Variants in PCYOX1 observed in about 807,000 individuals in gnomAD.
The protein encoded by PCYOX1 is prenylcysteine lyase.
In PCYOX1, 46 loss-of-function variants were observed where a neutral mutation model predicts 46.4. The observed-to-expected ratio is 0.99, with a 90% CI of 0.78 to 1.27. The LOEUF (loss-of-function observed/expected upper bound fraction) is 1.27, where lower values mean the gene tolerates loss of function less well. Ranked by LOEUF, PCYOX1 falls within the 50% of genes most tolerant of loss-of-function variation. The probability of loss-of-function intolerance (pLI) is 0.00; values close to 1 mark genes in which losing one functional copy is unlikely to be tolerated. For missense variants in PCYOX1, 658 were observed against 628.3 expected, an observed-to-expected ratio of 1.05 and a Z score of -0.51; for synonymous variants, 220 against 231.8, an observed-to-expected ratio of 0.95 and a Z score of 0.46.
Position 70,277,313 on chromosome 2 carries a change from TTGCC to T in PCYOX1, c.1441_1444del (p.Ala481IlefsTer10). On this transcript the variant is annotated frameshift_variant, in exon 6 of 6. Transcript: ENST00000433351. LOFTEE classifies it high-confidence loss of function. ...ATTGCAGCCCACAACGCTGCACTCC[TTGCC>T]TATCACCGCTGGAACGGGCACACAG... is the stretch of plus-strand genomic sequence containing the variant. 6.2e-7 allele frequency: 1 copy of T among 1,614,080 alleles called. No homozygotes were observed. The highest frequency in any genetic ancestry group is 8.5e-7 in the Non-Finnish European group (1 of 1,179,936).
At chr2:70,259,594 C>A (rs755213800) in intron 2 of PCYOX1, 28 bp downstream of exon 2, 2 of 1,493,882 alleles carry the variant, frequency 1.3e-6, no homozygotes, top group Middle Eastern at 1.9e-4. Context: ...TGGAGCTCAC[C>A]AGATTACTGT....
At chr2:70,273,678 A>C (rs1277318071) in intron 3 of PCYOX1, among the ~76,000 whole-genome samples, 1 of 152,198 alleles carries the variant, frequency 6.6e-6, no homozygotes. Flanking sequence ...TCCCAAACTT[A>C]AGCCTGTTTT....
At chr2:70,260,839 C>T (rs995236291) in intron 2 of PCYOX1, among the ~76,000 whole-genome samples, 3 of 152,038 alleles carry the variant, frequency 2.0e-5, no homozygotes, top group African/African-American at 4.8e-5. Context: ...TCCACGAGGG[C>T]GAAGGTATAC....
chr2:70,259,676 T>C lies in PCYOX1; in HGVS notation c.319+110T>C, dbSNP rs1696408481. ...CCTTGTTAATTGCCTTACAGAGACG[T>C]TGGTAAAACTGTTTTCCTCACTTTC... On this transcript the variant is annotated intron_variant, in intron 2 of 5. Coordinates refer to ENST00000433351, the MANE Select transcript of PCYOX1 (RefSeq NM_016297.4). 6.2e-6 allele frequency: 5 copies of C among 811,874 alleles called. No homozygotes were observed. In the South Asian group the frequency reaches 8.0e-5, roughly 13 times the overall value. The allele number at this position is 811,874 out of a possible 1,614,324, so 50.3% of individuals were successfully genotyped here.
intron 3 of PCYOX1, among the ~76,000 whole-genome samples, chr2:70,262,918 C>T (rs1696461797): frequency 1.3e-5 from 2 of 148,222 alleles, no homozygotes; most frequent in South Asian, 4.2e-4. Flanking sequence ...GTCATATGAC[C>T]AGGTATTGAA....
intron 3 of PCYOX1, among the ~76,000 whole-genome samples, chr2:70,273,406 C>T (rs1696628776): frequency 2.6e-5 from 4 of 152,146 alleles, no homozygotes; most frequent in Admixed American, 2.6e-4. Context: ...ATGTGTTTAA[C>T]ATTTTGTACA....
chr2:70,265,761 C>G (rs977135519), intron 3 of PCYOX1, among the ~76,000 whole-genome samples: 2 of 152,152 alleles, frequency 1.3e-5, no homozygotes, highest in East Asian at 1.9e-4. Context: ...TCTTCTCTCT[C>G]AAGTTAGTGC....
chr2:70,274,020 A>T (rs1032436629), intron 3 of PCYOX1, among the ~76,000 whole-genome samples: 3 of 152,086 alleles, frequency 2.0e-5, no homozygotes, highest in Non-Finnish European at 4.4e-5. Flanking sequence ...GTTGGAGGGA[A>T]GAGCTTGTGC....
Position 70,258,231 on chromosome 2 carries a change from G to A in PCYOX1, c.67G>A (p.Gly23Arg). 6.3e-7 allele frequency: 1 copy of A among 1,596,502 alleles called. No homozygotes were observed. The highest frequency in any genetic ancestry group is 8.5e-7 in the Non-Finnish European group (1 of 1,176,090). ...LGLWLLLCSC[G>R]CPEGAELRAP... is the part of the protein sequence containing the mutation. ...GTTGTGGCTGTTGCTGTGCAGCTGC[G>A]GATGCCCCGAGGGCGCCGAGCTGCG... Residue 23 changes from glycine (G) to arginine (R), a missense_variant, in exon 1 of 6, where the codon GGA becomes AGA. Gly to Arg is a moderately radical substitution (Grantham distance 125). Transcript: ENST00000433351.
Position 70,280,116 on chromosome 2 carries a change from A to ACAT in PCYOX1, c.*2727_*2729dup, listed in dbSNP as rs1291880996. 1 of 152,204 alleles carries ACAT rather than the reference A, an allele frequency of 6.6e-6. No individual in the cohort carries two copies. The highest frequency in any genetic ancestry group is 1.5e-5 in the Non-Finnish European group (1 of 68,038). The allele number at this position is 152,204 out of a possible 1,614,324, so 9.4% of individuals were successfully genotyped here. On this transcript the variant is annotated 3_prime_UTR_variant, in exon 6 of 6. Coordinates refer to ENST00000433351, the MANE Select transcript of PCYOX1 (RefSeq NM_016297.4). ...AAAAATTAAAAATGTTGCTGGTATTACATCAAACCTACTCTGGATAAATTT... is the reference window on the plus strand; with the variant it reads ...AAAAATTAAAAATGTTGCTGGTATTACATCATCAAACCTACTCTGGATAAATTT...
At chr2:70,266,939 T>C (rs147172669) in intron 3 of PCYOX1, among the ~76,000 whole-genome samples, 12,457 of 152,182 alleles carry the variant, frequency 0.082, 550 homozygotes, top group East Asian at 0.18. Flanking sequence ...TCGACAAAAC[T>C]GCCATCGTCA....
In PCYOX1 at chr2:70,278,493, T is replaced by C. The variant is rs1559038872; in HGVS notation, c.*1101T>C. 6.6e-6 allele frequency: 1 copy of C among 152,514 alleles called. No individual in the cohort carries two copies. The highest frequency in any genetic ancestry group is 2.1e-4 in the South Asian group (1 of 4,834). 9.4% of individuals were successfully genotyped at this position (152,514 alleles called of 1,614,324 possible). A position where few individuals can be genotyped will look rare whatever the true frequency, so the allele number is the denominator to read the frequency against. On this transcript the variant is annotated 3_prime_UTR_variant, in exon 6 of 6. Coordinates refer to ENST00000433351, the MANE Select transcript of PCYOX1 (RefSeq NM_016297.4). ...AGAACTTTAGAAGTAATCTTGATAA[T>C]AAGCACAGACAGCCTAACAGCAGAG...
At chr2:70,274,779 G>T in intron 3 of PCYOX1, 180 bp from the exon 4 acceptor site, 1 of 591,968 alleles carries the variant, frequency 1.7e-6, no homozygotes, top group Non-Finnish European at 3.0e-6. Context: ...GGCCAGGCTG[G>T]TCTTGAACTC....
In PCYOX1 at chr2:70,275,048, T is replaced by G. The variant is rs376722481; in HGVS notation, c.584T>G (p.Leu195Arg). Residue 195 changes from leucine (L) to arginine (R), a missense_variant, in exon 4 of 6, where the codon CTT (leucine) becomes CGT (arginine). By Grantham distance (102) the Leu-to-Arg change is moderately radical. Coordinates refer to ENST00000433351, the MANE Select transcript of PCYOX1 (RefSeq NM_016297.4). ...ALGGDDFLGMLNRTLLETLQK... is the reference protein window; with the variant it reads ...ALGGDDFLGMRNRTLLETLQK... The stretch of plus-strand genomic sequence containing the variant: ...GGAGGAGATGACTTCCTTGGAATGC[T>G]TAATCGAACACTTCTTGAAACCTTG... 3 of 1,613,746 alleles carry G rather than the reference T, an allele frequency of 1.9e-6. No homozygotes were observed. In the African/African-American group the frequency reaches 4.0e-5, roughly 22 times the overall value.
chr2:70,259,641 G>A, intron 2 of PCYOX1, 75 bp downstream of exon 2: 1 of 1,123,486 alleles, frequency 8.9e-7, no homozygotes, highest in Non-Finnish European at 1.3e-6. Flanking sequence ...ATGGAGAACT[G>A]AAATTTCTGC....
At chr2:70,266,780 GGGTAA>G (rs1034233585) in intron 3 of PCYOX1, among the ~76,000 whole-genome samples, 45 of 152,140 alleles carry the variant, frequency 3.0e-4, no homozygotes, top group African/African-American at 9.9e-4. Flanking sequence ...ATGGGGTTGG[GGGTAA>G]GGTCATAGAT....
chr2:70,260,147 G>A (rs1394120108), intron 2 of PCYOX1, among the ~76,000 whole-genome samples: 2 of 152,194 alleles, frequency 1.3e-5, no homozygotes, highest in East Asian at 3.9e-4. Flanking sequence ...CTGGGTTTGT[G>A]TTAAAGAATC....
In PCYOX1 at chr2:70,259,579, G is replaced by T; in HGVS notation, c.319+13G>T. ...GTCAAAGACCTGGGTATGTAATTTT[G>T]GTCTTGGAGCTCACCAGATTACTGT... On this transcript the variant is annotated intron_variant, in intron 2 of 5. Coordinates refer to ENST00000433351, the MANE Select transcript of PCYOX1 (RefSeq NM_016297.4). The T allele has an allele frequency of 1.3e-6, 2 of 1,593,002 alleles. No homozygotes were observed. Among genetic ancestry groups the T allele is most frequent in the South Asian group, 1.1e-5 (1 of 90,622 alleles).
chr2:70,270,088 G>T (rs773577836), intron 3 of PCYOX1, among the ~76,000 whole-genome samples: 1 of 151,830 alleles, frequency 6.6e-6, no homozygotes, highest in Non-Finnish European at 1.5e-5. Flanking sequence ...TCCATCTCCT[G>T]GGTTCAAGCG....
Sources: gnomAD v4.1 joint callset for allele counts (sites outside exome capture counted in the v4.1 genomes callset) on GRCh38, gnomAD v4.1.1 for gene constraint, MANE v1.5 for transcripts, NCBI Gene and HGNC (gene_info 2026-07-23, HGNC 2026-07-21) for gene names.